The following PRTFDC1 variants were observed in gnomAD, a reference collection of about 807,000 sequenced individuals.
PRTFDC1 encodes phosphoribosyl transferase domain containing 1.
PRTFDC1 carries 38 observed loss-of-function variants against 34.6 expected under a neutral mutation model. The observed-to-expected ratio is 1.10, with a 90% CI of 0.85 to 1.44. The LOEUF is 1.44. PRTFDC1 is among the 40% of genes most tolerant of loss of function. PRTFDC1 has a pLI of 0.00. For missense variants in PRTFDC1, 270 were observed against 283.0 expected, an observed-to-expected ratio of 0.95 and a Z score of 0.33; for synonymous variants, 93 against 98.1, an observed-to-expected ratio of 0.95 and a Z score of 0.31.
At chr10:24,855,243 A>ATT (rs1474374365) in intron 7 of PRTFDC1, 75 bp downstream of exon 7, 23 of 1,454,286 alleles carry the variant, frequency 1.6e-5, no homozygotes, top group Non-Finnish European at 2.2e-5. Flanking sequence ...GAAACCAAAG[A>ATT]TTCTTAAACA....
intron 3 of PRTFDC1, among the ~76,000 whole-genome samples, chr10:24,894,578 C>A (rs1848318194): frequency 6.6e-6 from 1 of 152,114 alleles, no homozygotes; most frequent in African/African-American, 2.4e-5. Context: ...TGTGAAGGCA[C>A]CCGGGAGCCA....
intron 1 of PRTFDC1, among the ~76,000 whole-genome samples, chr10:24,944,827 C>G (rs1849228889): frequency 1.3e-5 from 2 of 151,974 alleles, no homozygotes; most frequent in South Asian, 4.2e-4. Context: ...ATCATGGCAG[C>G]CTTCTGCTTA....
intron 3 of PRTFDC1, among the ~76,000 whole-genome samples, chr10:24,903,973 G>A (rs903984940): frequency 2.0e-5 from 3 of 152,020 alleles, no homozygotes; most frequent in African/African-American, 7.2e-5. Context: ...ACAGCTGTGA[G>A]CTACTGCACC....
At chr10:24,899,879 T>C (rs1482822910) in intron 3 of PRTFDC1, among the ~76,000 whole-genome samples, 2 of 152,182 alleles carry the variant, frequency 1.3e-5, no homozygotes, top group Non-Finnish European at 2.9e-5. Context: ...CTTTTGTGGA[T>C]TTCTTTATTT....
At chr10:24,878,523 G>C (rs1170867124) in intron 3 of PRTFDC1, among the ~76,000 whole-genome samples, 1 of 152,208 alleles carries the variant, frequency 6.6e-6, no homozygotes, top group African/African-American at 2.4e-5. Flanking sequence ...CCGTAGGAAT[G>C]CTGGTGGCAG....
chr10:24,900,945 G>T (rs986266804), intron 3 of PRTFDC1, among the ~76,000 whole-genome samples: 7 of 152,164 alleles, frequency 4.6e-5, no homozygotes, highest in African/African-American at 1.7e-4. Context: ...GTCGCTAACA[G>T]GTGTTTGCAA....
At chr10:24,882,621 ATTATT>A (rs1297465545) in intron 3 of PRTFDC1, among the ~76,000 whole-genome samples, 3 of 152,042 alleles carry the variant, frequency 2.0e-5, no homozygotes, top group Non-Finnish European at 4.4e-5. Context: ...TCTTATTACT[ATTATT>A]TTATTATCTC....
intron 3 of PRTFDC1, among the ~76,000 whole-genome samples, chr10:24,920,624 C>T (rs1279924184): frequency 6.6e-6 from 1 of 152,160 alleles, no homozygotes; most frequent in African/African-American, 2.4e-5. Context: ...CAGCAAATCA[C>T]CATGGCACAC....
chr10:24,940,221 A>G (rs1174073923), intron 2 of PRTFDC1, among the ~76,000 whole-genome samples: 4 of 152,202 alleles, frequency 2.6e-5, no homozygotes, highest in Non-Finnish European at 4.4e-5. Context: ...CACATATACA[A>G]TACTTCACCC....
intron 3 of PRTFDC1, among the ~76,000 whole-genome samples, chr10:24,906,558 C>T (rs1164171673): frequency 1.3e-5 from 2 of 152,204 alleles, no homozygotes; most frequent in African/African-American, 4.8e-5. Context: ...ATGTGCCTTA[C>T]CATGTGGAAC....
chr10:24,913,833 C>T (rs1848659729), intron 3 of PRTFDC1, among the ~76,000 whole-genome samples: 1 of 152,188 alleles, frequency 6.6e-6, no homozygotes. Flanking sequence ...GATGCACAAA[C>T]AAATCTTTGA....
At chr10:24,892,475 T>C (rs10764508) in intron 3 of PRTFDC1, among the ~76,000 whole-genome samples, 70,262 of 151,720 alleles carry the variant, frequency 0.46, 16,711 homozygotes, top group South Asian at 0.67. Flanking sequence ...CTGGTTTTGA[T>C]TTGCATTTCC....
chr10:24,909,397 A>G (rs1175894263), intron 3 of PRTFDC1, among the ~76,000 whole-genome samples: 1 of 152,094 alleles, frequency 6.6e-6, no homozygotes, highest in Non-Finnish European at 1.5e-5. Flanking sequence ...CCCTTATCTC[A>G]TGGTCCAGCT....
chr10:24,935,021 C>T (rs181680706), intron 3 of PRTFDC1, among the ~76,000 whole-genome samples: 135 of 152,212 alleles, frequency 8.9e-4, no homozygotes, highest in African/African-American at 2.2e-3. Flanking sequence ...GAAAAGAAAA[C>T]GTATCTGTGG....
intron 3 of PRTFDC1, among the ~76,000 whole-genome samples, chr10:24,929,985 T>C (rs1312252400): frequency 6.6e-6 from 1 of 151,992 alleles, no homozygotes; most frequent in Non-Finnish European, 1.5e-5. Context: ...CCCAGGGAGG[T>C]TGAAGTTGCA....
chr10:24,895,704 T>TATATATATAG (rs1848347343), intron 3 of PRTFDC1, among the ~76,000 whole-genome samples: 2 of 133,942 alleles, frequency 1.5e-5, no homozygotes, highest in South Asian at 4.7e-4. Context: ...TATATATATA[T>TATATATATAG]ATATATATAT....
At chr10:24,856,863 G>T in intron 6 of PRTFDC1, 50 bp downstream of exon 6, 1 of 1,470,952 alleles carries the variant, frequency 6.8e-7, no homozygotes, top group Non-Finnish European at 9.5e-7. Flanking sequence ...CATCCCTTTT[G>T]GGCTTGCTTG....
chr10:24,872,915 C>T (rs1012792179), intron 3 of PRTFDC1, among the ~76,000 whole-genome samples: 13 of 149,724 alleles, frequency 8.7e-5, no homozygotes, highest in Non-Finnish European at 3.0e-5. Context: ...TCAAGCAATC[C>T]TTCTGTCTCG....
chr10:24,876,759 G>A (rs1269899563), intron 3 of PRTFDC1, among the ~76,000 whole-genome samples: 1 of 151,726 alleles, frequency 6.6e-6, no homozygotes, highest in African/African-American at 2.4e-5. Context: ...GTATTGCCCA[G>A]GCTGGTCTCG....
Sources: gnomAD v4.1 joint callset for allele counts (sites outside exome capture counted in the v4.1 genomes callset) on GRCh38, gnomAD v4.1.1 for gene constraint, MANE v1.5 for transcripts, NCBI Gene and HGNC (gene_info 2026-07-23, HGNC 2026-07-21) for gene names.